Variants in POLR1D observed in about 807,000 individuals in gnomAD.
POLR1D encodes the protein DNA-directed RNA polymerases I and III subunit RPAC2.
Under a neutral mutation model 10.8 loss-of-function variants are expected in POLR1D, and 8 were observed. The ratio of observed to expected loss-of-function variants is 0.74; its 90% CI spans 0.43 to 1.33. The LOEUF (loss-of-function observed/expected upper bound fraction) is 1.33, where lower values mean the gene tolerates loss of function less well. POLR1D is among the 40% of genes most tolerant of loss of function. POLR1D has a pLI of 0.01. For missense variants in POLR1D, 152 were observed against 161.7 expected (o/e 0.94, Z 0.32); for synonymous variants, 54 against 57.2 (o/e 0.94, Z 0.25).
chr13:27,622,746 G>A (rs1167476609), intron 1 of POLR1D, 129 bp from the exon 2 acceptor site: 6 of 652,032 alleles, frequency 9.2e-6, no homozygotes, highest in African/African-American at 7.3e-5. Flanking sequence ...GAAAATGAGA[G>A]GCGAATAATT....
At chr13:27,662,569 G>A (rs1259623217) in intron 2 of POLR1D, among the ~76,000 whole-genome samples, 2 of 152,144 alleles carry the variant, frequency 1.3e-5, no homozygotes, top group African/African-American at 4.8e-5. Context: ...AGAAATTGTG[G>A]ACCTGTAGGT....
intron 1 of POLR1D, 81 bp from the exon 2 acceptor site, chr13:27,622,794 A>G (rs952484501): frequency 7.1e-6 from 6 of 846,360 alleles, no homozygotes; most frequent in South Asian, 4.5e-5. Flanking sequence ...ATGTGTTGCA[A>G]TGTGATATAG....
intron 2 of POLR1D, among the ~76,000 whole-genome samples, chr13:27,661,476 G>A (rs1411568635): frequency 6.6e-6 from 1 of 152,174 alleles, no homozygotes; most frequent in Non-Finnish European, 1.5e-5. Context: ...CAGCTGCCCT[G>A]TCCTGTGGCC....
chr13:27,626,458 G>A (rs574083207), downstream of POLR1D, among the ~76,000 whole-genome samples: 127 of 152,326 alleles, frequency 8.3e-4, 1 homozygote, highest in Non-Finnish European at 1.7e-3. Flanking sequence ...GCAGTTGGGT[G>A]GAGGGAAGAA....
At chr13:27,637,166 G>A (rs545019441) in intron 1 of POLR1D, among the ~76,000 whole-genome samples, 1 of 152,288 alleles carries the variant, frequency 6.6e-6, no homozygotes, top group South Asian at 2.1e-4. Context: ...GGCAGCTGAT[G>A]TGTTGTTGGT....
intron 2 of POLR1D, chr13:27,665,673 C>T (rs750648168): frequency 1.9e-6 from 3 of 1,613,070 alleles, no homozygotes; most frequent in Non-Finnish European, 1.7e-6. Flanking sequence ...TTCTTTTCTC[C>T]TCCCCACCCC....
chr13:27,634,169 T>C (rs1270887677), intron 1 of POLR1D, among the ~76,000 whole-genome samples: 1 of 152,216 alleles, frequency 6.6e-6, no homozygotes, highest in Non-Finnish European at 1.5e-5. Flanking sequence ...TAGAAACTTA[T>C]GATTAGTTTG....
At chr13:27,666,743 T>C (rs1225869325) in exon 3 of POLR1D, 2 of 152,200 alleles carry the variant, frequency 1.3e-5, no homozygotes, top group Non-Finnish European at 2.9e-5. Context: ...CCAGAAATCT[T>C]CATTTTAAAT....
At chr13:27,656,084 T>C (rs1361549180) in intron 2 of POLR1D, among the ~76,000 whole-genome samples, 1 of 152,162 alleles carries the variant, frequency 6.6e-6, no homozygotes, top group East Asian at 1.9e-4. Context: ...TTTATAATAT[T>C]GGCAAGGATA....
At chr13:27,629,207 G>A (rs1593279166) in intron 1 of POLR1D, among the ~76,000 whole-genome samples, 1 of 152,276 alleles carries the variant, frequency 6.6e-6, no homozygotes, top group East Asian at 1.9e-4. Context: ...AGCAAACTTA[G>A]GCAGTATAAC....
chr13:27,648,498 T>C, intron 2 of POLR1D: 1 of 1,204,570 alleles, frequency 8.3e-7, no homozygotes, highest in South Asian at 1.2e-5. Context: ...GAAAAAATTC[T>C]TAGCTGGAGA....
Sources: allele counts gnomAD v4.1 joint callset (sites outside exome capture counted in the v4.1 genomes callset), GRCh38; gene constraint gnomAD v4.1.1; transcripts MANE v1.5; gene names NCBI Gene and HGNC (gene_info 2026-07-23, HGNC 2026-07-21).